The following PPARG variants were observed in gnomAD, a reference collection of about 807,000 sequenced individuals.
PPARG encodes the protein peroxisome proliferator-activated receptor gamma.
A neutral mutation model predicts 39.2 loss-of-function variants in PPARG; 17 were observed. The ratio of observed to expected loss-of-function variants is 0.43; its 90% CI spans 0.30 to 0.65. The LOEUF is 0.65. Ranked by LOEUF, PPARG falls within the 30% of genes least tolerant of loss-of-function variation. PPARG has a pLI of 0.13. For missense variants in PPARG, 406 were observed against 585.9 expected, an observed-to-expected ratio of 0.69 and a Z score of 3.17; for synonymous variants, 223 against 215.7, an observed-to-expected ratio of 1.03 and a Z score of -0.30.
intron 7 of PPARG, among the ~76,000 whole-genome samples, chr3:12,426,876 C>T (rs2051468207): frequency 6.6e-6 from 1 of 152,180 alleles, no homozygotes; most frequent in Admixed American, 6.5e-5. Context: ...ACCTAGCTTG[C>T]AAAGTTGTAA....
intron 5 of PPARG, among the ~76,000 whole-genome samples, chr3:12,405,028 A>G (rs928963407): frequency 6.6e-6 from 1 of 152,220 alleles, no homozygotes. Context: ...AGGTACCCTT[A>G]TTATGGGAAA....
intron 5 of PPARG, among the ~76,000 whole-genome samples, chr3:12,401,163 A>C (rs902994781): frequency 6.6e-6 from 1 of 152,226 alleles, no homozygotes; most frequent in Non-Finnish European, 1.5e-5. Context: ...GTCTTTCAGG[A>C]AACACCTCCC....
chr3:12,301,391 A>G (rs2046922674), intron 1 of PPARG: 1 of 152,250 alleles, frequency 6.6e-6, no homozygotes, highest in Non-Finnish European at 1.5e-5. Context: ...GTTACATATT[A>G]GATAAAACAC....
intron 6 of PPARG, among the ~76,000 whole-genome samples, 185 bp from the exon 7 acceptor site, chr3:12,416,519 G>A (rs547787372): frequency 1.2e-4 from 19 of 152,272 alleles, no homozygotes; most frequent in Non-Finnish European, 2.8e-4. Flanking sequence ...AATATGTTTG[G>A]TCCCAGAAGA....
At chr3:12,399,326 G>A (rs1219398809) in intron 5 of PPARG, 1 of 456,270 alleles carries the variant, frequency 2.2e-6, no homozygotes, top group African/African-American at 2.0e-5. Context: ...TAGTGCTAAA[G>A]TTGCTCCTTG....
chr3:12,357,497 C>T (rs889081811), intron 2 of PPARG, among the ~76,000 whole-genome samples: 1 of 152,190 alleles, frequency 6.6e-6, no homozygotes, highest in Admixed American at 6.5e-5. Context: ...CTTCCCTATC[C>T]TAGGACAGGG....
Position 12,332,447 on chromosome 3 carries a change from A to G in PPARG, c.-9+19994A>G, listed in dbSNP as rs1359141166. On this transcript the variant is annotated intron_variant, in intron 2 of 7. Transcript: ENST00000651735. ...GCTTTTAAAAATAAATAACTTTTAAACTGCCTTTTCTCCCTTAGCATTTGC... is the reference window on the plus strand; with the variant it reads ...GCTTTTAAAAATAAATAACTTTTAAGCTGCCTTTTCTCCCTTAGCATTTGC... Among the ~76,000 whole-genome samples the G allele has an allele frequency of 2.0e-5, 3 of 152,220 alleles. No individual in the cohort carries two copies. The East Asian group carries it at 5.8e-4, about 29-fold the overall frequency.
chr3:12,356,944 C>T (rs1418800656), intron 2 of PPARG, among the ~76,000 whole-genome samples: 2 of 152,136 alleles, frequency 1.3e-5, no homozygotes, highest in Non-Finnish European at 2.9e-5. Context: ...ACCTCTACTC[C>T]GTGAAGCATT....
At chr3:12,323,510 C>G (rs955204274) in intron 2 of PPARG, among the ~76,000 whole-genome samples, 1 of 152,154 alleles carries the variant, frequency 6.6e-6, no homozygotes, top group Non-Finnish European at 1.5e-5. Context: ...TGTACCCAGC[C>G]TTGTAGGAAT....
At chr3:12,358,848 A>G (rs2048747245) in intron 2 of PPARG, among the ~76,000 whole-genome samples, 1 of 152,224 alleles carries the variant, frequency 6.6e-6, no homozygotes, top group Admixed American at 6.5e-5. Flanking sequence ...ACAAAATCTC[A>G]TCACCTTTGC....
intron 2 of PPARG, chr3:12,351,583 C>G (rs2048487093): frequency 6.3e-7 from 1 of 1,587,492 alleles, no homozygotes. Context: ...AACCCCTATT[C>G]CATGCTGTTA....
intron 2 of PPARG, among the ~76,000 whole-genome samples, chr3:12,361,043 C>G (rs2048831520): frequency 6.6e-6 from 1 of 152,144 alleles, no homozygotes; most frequent in African/African-American, 2.4e-5. Context: ...AGTGTTCTAG[C>G]TCTTCTACAC....
intron 2 of PPARG, among the ~76,000 whole-genome samples, chr3:12,331,072 C>G (rs2047844852): frequency 6.6e-6 from 1 of 152,204 alleles, no homozygotes; most frequent in African/African-American, 2.4e-5. Context: ...TTAAAACCAA[C>G]ACTAAAACTC....
chr3:12,300,963 A>G (rs1399847354), intron 1 of PPARG, among the ~76,000 whole-genome samples: 1 of 152,134 alleles, frequency 6.6e-6, no homozygotes, highest in African/African-American at 2.4e-5. Context: ...TTTCAGTATC[A>G]CTTGTATAGG....
chr3:12,316,681 G>A (rs1029663005), intron 2 of PPARG, among the ~76,000 whole-genome samples: 4 of 151,214 alleles, frequency 2.6e-5, no homozygotes, highest in African/African-American at 9.7e-5. Flanking sequence ...CTGGCTCTAA[G>A]GGGAATCTCT....
intron 2 of PPARG, among the ~76,000 whole-genome samples, chr3:12,339,345 A>G (rs891203636): frequency 5.3e-5 from 8 of 152,228 alleles, no homozygotes; most frequent in Non-Finnish European, 1.2e-4. Context: ...TCAGCATGAC[A>G]GATCTTACTA....
In PPARG at chr3:12,387,677, C is replaced by T. The variant is rs573418176; in HGVS notation, c.391-4937C>T. 1.0e-3 allele frequency among the ~76,000 whole-genome samples: 152 copies of T among 152,300 alleles called. 1 individual carries two copies. Among genetic ancestry groups the T allele is most frequent in the African/African-American group, 3.5e-3 (145 of 41,564 alleles). ...TCCCATTCTGTAGGTTGCCTGTTCA[C>T]TCTGATGATAGTTTCTTTTGCTGTG... On this transcript the variant is annotated intron_variant, in intron 4 of 7. Coordinates refer to ENST00000651735, the MANE Select transcript of PPARG (RefSeq NM_138711.6).
In PPARG at chr3:12,398,231, G is replaced by A. The variant is rs1046269356; in HGVS notation, c.529+5479G>A. 2.0e-5 allele frequency among the ~76,000 whole-genome samples: 3 copies of A among 152,002 alleles called. No individual in the cohort carries two copies. In the East Asian group the frequency reaches 5.8e-4, roughly 29 times the overall value. ...AAGACTGGAATTGGGAAATCCATCT[G>A]AAGACCAATGCAATATTAGGAAATA... On this transcript the variant is annotated intron_variant, in intron 5 of 7. Transcript: ENST00000651735.
chr3:12,294,053 C>G (rs906158579), intron 1 of PPARG, among the ~76,000 whole-genome samples: 6 of 152,302 alleles, frequency 3.9e-5, no homozygotes, highest in African/African-American at 1.2e-4. Context: ...AGGCTAGTTG[C>G]TTGTTTCCTT....
Sources: allele counts gnomAD v4.1 joint callset (sites outside exome capture counted in the v4.1 genomes callset), GRCh38; gene constraint gnomAD v4.1.1; transcripts MANE v1.5; gene names NCBI Gene and HGNC (gene_info 2026-07-23, HGNC 2026-07-21).